ANO3: variants seen among roughly 807,000 people sequenced by gnomAD.
The protein encoded by ANO3 is anoctamin-3.
ANO3 carries 99 observed loss-of-function variants against 144.8 expected under a neutral mutation model. The observed-to-expected ratio is 0.68, with a 90% CI of 0.58 to 0.81. The LOEUF is 0.81. Among genes scored for constraint, ANO3 ranks in the 30% least tolerant of loss-of-function variants. ANO3 has a pLI of 0.00. For missense variants in ANO3, 905 were observed against 1,202.2 expected, an observed-to-expected ratio of 0.75 and a Z score of 3.66; for synonymous variants, 414 against 392.6, an observed-to-expected ratio of 1.05 and a Z score of -0.64.
chr11:26,556,017 C>T (rs1263296286), intron 13 of ANO3, among the ~76,000 whole-genome samples: 1 of 152,002 alleles, frequency 6.6e-6, no homozygotes, highest in Non-Finnish European at 1.5e-5. Flanking sequence ...TAATTATTCC[C>T]TTTATAATTT....
At chr11:26,249,990 G>A (rs902307487) in intron 1 of ANO3, among the ~76,000 whole-genome samples, 7 of 152,112 alleles carry the variant, frequency 4.6e-5, no homozygotes, top group African/African-American at 1.2e-4. Context: ...AAAAACCAAC[G>A]TCTGTTGTTA....
chr11:26,510,606 T>C (rs1182601463), intron 5 of ANO3, among the ~76,000 whole-genome samples: 1 of 152,224 alleles, frequency 6.6e-6, no homozygotes, highest in Non-Finnish European at 1.5e-5. Context: ...TATTTATTCA[T>C]TCAGCACATT....
intron 21 of ANO3, among the ~76,000 whole-genome samples, 183 bp downstream of exon 21, chr11:26,639,424 A>G (rs1853072756): frequency 6.6e-6 from 1 of 152,216 alleles, no homozygotes; most frequent in Admixed American, 6.5e-5. Context: ...TGTTTTCACT[A>G]AGAATGTATC....
chr11:26,210,615 G>T (rs574769007), intron 1 of ANO3, among the ~76,000 whole-genome samples: 6 of 152,256 alleles, frequency 3.9e-5, no homozygotes, highest in South Asian at 4.2e-4. Context: ...CTATCCATGA[G>T]CATGGAATGT....
intron 1 of ANO3, among the ~76,000 whole-genome samples, chr11:26,236,541 G>T (rs1488862385): frequency 6.6e-6 from 1 of 152,054 alleles, no homozygotes; most frequent in African/African-American, 2.4e-5. Flanking sequence ...AAAATCGGCC[G>T]GGGGCCGCGG....
intron 1 of ANO3, among the ~76,000 whole-genome samples, chr11:26,385,908 T>TATATATAC (rs1310559300): frequency 2.7e-5 from 4 of 149,456 alleles, no homozygotes; most frequent in African/African-American, 1.0e-4. Context: ...TATATTTATA[T>TATATATAC]ACATATTTAC....
At chr11:26,458,877 T>C (rs962735222) in intron 3 of ANO3, among the ~76,000 whole-genome samples, 1 of 152,144 alleles carries the variant, frequency 6.6e-6, no homozygotes, top group Non-Finnish European at 1.5e-5. Context: ...ATATAGCATA[T>C]ATGTTTTATA....
Position 26,365,975 on chromosome 11 carries a change from TATATATATATATATATATATATATA to T in ANO3, c.46+33655_46+33679del, listed in dbSNP as rs1432848139. Among the ~76,000 whole-genome samples the T allele has an allele frequency of 6.4e-3, 561 of 87,530 alleles. 18 individuals are homozygous for T. Among genetic ancestry groups the T allele is most frequent in the Non-Finnish European group, 8.7e-3 (344 of 39,590 alleles). 57.4% of individuals were successfully genotyped at this position (87,530 alleles called of 152,430 possible). On this transcript the variant is annotated intron_variant, in intron 1 of 26. Coordinates refer to ENST00000256737, the MANE Select transcript of ANO3 (RefSeq NM_031418.4). ...TTCTTTATATATATATATATATATA[TATATATATATATATATATATATATA>T]TATTTTAATTATACTTTAAGTTCTA...
At position 26,200,499 on chromosome 11, in the gene ANO3, G is replaced by A. The variant is rs1851671947; in HGVS notation, c.154+11169G>A. On this transcript the variant is annotated intron_variant, in intron 1 of 27. Transcript: ENST00000672621. ...CAATTTGTTGTAATATATTTATTTAGCACCTCTTCTGTGCCACACTGGGTT... is the reference window on the plus strand; with the variant it reads ...CAATTTGTTGTAATATATTTATTTAACACCTCTTCTGTGCCACACTGGGTT... 2.0e-5 allele frequency among the ~76,000 whole-genome samples: 3 copies of A among 152,004 alleles called. No individual in the cohort carries two copies. The South Asian group carries it at 6.2e-4, about 32-fold the overall frequency.
rs751495974 is a variant in ANO3 at position 26,643,341 on chromosome 11, T to C, written c.2428+7T>C. The C allele has an allele frequency of 6.2e-7, 1 of 1,613,484 alleles. No homozygotes were observed. The highest frequency in any genetic ancestry group is 1.1e-5 in the South Asian group (1 of 90,862). On this transcript the variant is annotated splice_region_variant and intron_variant, in intron 23 of 26. Coordinates refer to ENST00000256737, the MANE Select transcript of ANO3 (RefSeq NM_031418.4). ...GCCCGAGCAACTGACATAGGTAAGA[T>C]TCGGAAGTTAAATGATTTTTACGTT...
chr11:26,586,207 A>G (rs1392143654), intron 14 of ANO3, among the ~76,000 whole-genome samples: 2 of 152,286 alleles, frequency 1.3e-5, no homozygotes, highest in African/African-American at 4.8e-5. Flanking sequence ...TAATTGGTCT[A>G]AAGTGTATCT....
intron 1 of ANO3, among the ~76,000 whole-genome samples, chr11:26,238,484 C>A (rs1434652440): frequency 1.3e-5 from 2 of 151,842 alleles, no homozygotes; most frequent in Non-Finnish European, 2.9e-5. Flanking sequence ...TACAGTTTAC[C>A]CCAAAATATT....
Position 26,544,273 on chromosome 11 carries a change from T to TATATATATATATATACACACACAC in ANO3, c.1154+2206_1154+2207insTATATATATATATACACACACACA. On this transcript the variant is annotated intron_variant, in intron 11 of 26. Transcript: ENST00000256737. ...ATACATATATATATATATATATATA[T>TATATATATATATATACACACACAC]ACACACATACACACACACACACACA... 2.4e-3 allele frequency among the ~76,000 whole-genome samples: 142 copies of TATATATATATATATACACACACAC among 58,470 alleles called. 3 individuals carry two copies. Among genetic ancestry groups the TATATATATATATATACACACACAC allele is most frequent in the East Asian group, 0.016 (14 of 852 alleles). The allele number at this position is 58,470 out of a possible 152,430, so 38.4% of individuals were successfully genotyped here.
intron 7 of ANO3, among the ~76,000 whole-genome samples, chr11:26,530,228 C>T (rs1032405602): frequency 6.6e-6 from 1 of 152,148 alleles, no homozygotes; most frequent in African/African-American, 2.4e-5. Context: ...TGTGAGGAAA[C>T]CAAGGCAAGA....
chr11:26,306,302 C>T (rs1854382981), upstream of ANO3, among the ~76,000 whole-genome samples: 1 of 152,072 alleles, frequency 6.6e-6, no homozygotes, highest in East Asian at 1.9e-4. Flanking sequence ...CTTTCAAGAA[C>T]TTAATCCTTA....
intron 4 of ANO3, among the ~76,000 whole-genome samples, chr11:26,482,341 T>G (rs1860252676): frequency 6.6e-6 from 1 of 152,088 alleles, no homozygotes; most frequent in Non-Finnish European, 1.5e-5. Flanking sequence ...GGAGATTAGT[T>G]TTGTGATTTG....
At chr11:26,421,816 G>A (rs564374621) in intron 1 of ANO3, among the ~76,000 whole-genome samples, 2 of 152,130 alleles carry the variant, frequency 1.3e-5, no homozygotes, top group East Asian at 3.9e-4. Flanking sequence ...GGACCTTGAG[G>A]CCATTATCCT....
chr11:26,225,791 T>G (rs550044745), intron 1 of ANO3, among the ~76,000 whole-genome samples: 10 of 152,282 alleles, frequency 6.6e-5, no homozygotes, highest in Non-Finnish European at 7.4e-5. Flanking sequence ...AGCACAAACT[T>G]CTGGAGTGAA....
chr11:26,562,898 G>A (rs381348), intron 14 of ANO3: 376,910 of 515,638 alleles, frequency 0.73, 139,308 homozygotes, highest in Admixed American at 0.81. Context: ...TTTTGATGCA[G>A]TGAGCAACAG....
Sources: allele counts gnomAD v4.1 joint callset (sites outside exome capture counted in the v4.1 genomes callset), GRCh38; gene constraint gnomAD v4.1.1; transcripts MANE v1.5; gene names NCBI Gene and HGNC (gene_info 2026-07-23, HGNC 2026-07-21).